Variants in FAM91A1 observed in about 807,000 individuals in gnomAD.
FAM91A1 encodes protein FAM91A1.
A neutral mutation model predicts 113.5 loss-of-function variants in FAM91A1; 41 were observed. That is an observed-to-expected ratio of 0.36 (90% CI 0.28 to 0.47). The LOEUF (loss-of-function observed/expected upper bound fraction) is 0.47. FAM91A1 is among the 20% of genes least tolerant of loss of function. FAM91A1 has a pLI of 1.00. For missense variants in FAM91A1, 696 were observed against 1,001.2 expected (o/e 0.70, Z 4.11); for synonymous variants, 307 against 347.9 (o/e 0.88, Z 1.31).
chr8:123,777,656 A>G (rs1815020162), intron 4 of FAM91A1, among the ~76,000 whole-genome samples: 1 of 152,246 alleles, frequency 6.6e-6, no homozygotes, highest in African/African-American at 2.4e-5. Flanking sequence ...GCAGGGTGAC[A>G]TACAGTTTTT....
intron 11 of FAM91A1, chr8:123,786,172 A>AT (rs1269851010): frequency 3.6e-6 from 1 of 276,374 alleles, no homozygotes; most frequent in Non-Finnish European, 6.9e-6. Context: ...TATATTAGTG[A>AT]TTTTTAATCT....
At position 123,774,061 on chromosome 8, in the gene FAM91A1, T is replaced by C; in HGVS notation, c.73-19T>C. ...TTCAGTTTGGAAGTTGTTTAAAATCTTTTTGAAATTTCTCCTAGAGTCTTG... is the reference window on the plus strand; with the variant it reads ...TTCAGTTTGGAAGTTGTTTAAAATCCTTTTGAAATTTCTCCTAGAGTCTTG... On this transcript the variant is annotated intron_variant, in intron 1 of 23. Coordinates refer to ENST00000334705, the MANE Select transcript of FAM91A1 (RefSeq NM_144963.4). 1 of 1,599,844 alleles carries C rather than the reference T, an allele frequency of 6.3e-7. No homozygotes were observed. The highest frequency in any genetic ancestry group is 8.5e-7 in the Non-Finnish European group (1 of 1,171,998).
Position 123,768,473 on chromosome 8 carries a change from A to C in FAM91A1, c.-230A>C, listed in dbSNP as rs1459554154. 1 of 454,124 alleles carries C rather than the reference A, an allele frequency of 2.2e-6. No individual in the cohort carries two copies. Among genetic ancestry groups the C allele is most frequent in the Non-Finnish European group, 3.9e-6 (1 of 258,468 alleles). The allele number at this position is 454,124 out of a possible 1,614,324, so 28.1% of individuals were successfully genotyped here. On this transcript the variant is annotated 5_prime_UTR_variant, in exon 1 of 24. Transcript: ENST00000334705. ...TCCGGCGGCCCGAAACTAGGAAGAA[A>C]CTTGGAGCTGTTCAGGCGATCCAGC...
At chr8:123,782,152 T>G (rs924007324) in intron 8 of FAM91A1, among the ~76,000 whole-genome samples, 2 of 152,200 alleles carry the variant, frequency 1.3e-5, no homozygotes, top group Non-Finnish European at 2.9e-5. Flanking sequence ...AAAAAAGCAG[T>G]CAGAGAAGGG....
At chr8:123,778,808 T>A (rs1815050300) in intron 6 of FAM91A1, 36 bp downstream of exon 6, 2 of 1,313,936 alleles carry the variant, frequency 1.5e-6, no homozygotes, top group Admixed American at 2.9e-5. Context: ...AGAATTTTTA[T>A]TTTTTAGTTT....
chr8:123,787,767 T>C lies in FAM91A1; in HGVS notation c.1278+17T>C. 6.3e-7 allele frequency: 1 copy of C among 1,585,914 alleles called. No homozygotes were observed. The highest frequency in any genetic ancestry group is 1.1e-5 in the South Asian group (1 of 88,268). On this transcript the variant is annotated intron_variant, in intron 14 of 23. Coordinates refer to ENST00000334705, the MANE Select transcript of FAM91A1 (RefSeq NM_144963.4). Reference sequence around the variant, plus strand: ...CTAGAAAAGGTAAATGTAGATTGCATGTAAGGGGATGTTAGGGCATTTGGA... The same window carrying C: ...CTAGAAAAGGTAAATGTAGATTGCACGTAAGGGGATGTTAGGGCATTTGGA...
intron 15 of FAM91A1, among the ~76,000 whole-genome samples, chr8:123,791,557 T>A (rs2130107575): frequency 6.6e-6 from 1 of 152,318 alleles, no homozygotes; most frequent in Middle Eastern, 3.4e-3. Flanking sequence ...TTGCTTAGAA[T>A]AATTGCTGGG....
Position 123,813,338 on chromosome 8 carries a change from C to T in FAM91A1, c.*634C>T, listed in dbSNP as rs1173957172. The T allele has an allele frequency of 1.3e-5, 2 of 152,568 alleles. No homozygotes were observed. Among genetic ancestry groups the T allele is most frequent in the African/African-American group, 4.8e-5 (2 of 41,432 alleles). The allele number at this position is 152,568 out of a possible 1,614,324, so 9.5% of individuals were successfully genotyped here. On this transcript the variant is annotated 3_prime_UTR_variant, in exon 24 of 24. Transcript: ENST00000334705. ...TAAGATTATGACTATTCATTGACAT[C>T]TCATGAGAAGCTTTAGAAGACTTTC...
At position 123,778,062 on chromosome 8, in the gene FAM91A1, T is replaced by C. The variant is rs1311483918; in HGVS notation, c.405T>C (p.Ile135=). The C allele has an allele frequency of 6.2e-7, 1 of 1,612,772 alleles. No individual in the cohort carries two copies. Among genetic ancestry groups the C allele is most frequent in the Admixed American group, 1.7e-5 (1 of 59,928 alleles). ...TTGGCATAGGAAGAAACCAGTATAT[T>C]GATCTTATGAATCAGTGTAGATCAT... ...RLLGIGRNQY[I]DLMNQCRSSK... Residue 135 remains isoleucine (I), a synonymous_variant, in exon 5 of 24, where the codon ATT becomes ATC. Coordinates refer to ENST00000334705, the MANE Select transcript of FAM91A1 (RefSeq NM_144963.4).
chr8:123,778,084 T>A lies in FAM91A1; in HGVS notation c.427T>A (p.Ser143Thr), dbSNP rs1417175875. The change falls in exon 5 of 24, where the codon TCA becomes ACA. Residue 143 changes from serine (S) to threonine (T), a missense_variant. Transcript: ENST00000334705. ...TATTGATCTTATGAATCAGTGTAGATCATCAAAAGTAAGTTAGTACTTTCT... is the reference window on the plus strand; with the variant it reads ...TATTGATCTTATGAATCAGTGTAGAACATCAAAAGTAAGTTAGTACTTTCT... ...QYIDLMNQCRSSKKFFRRKTA... is the reference protein window; with the variant it reads ...QYIDLMNQCRTSKKFFRRKTA... 1.9e-6 allele frequency: 3 copies of A among 1,611,476 alleles called. No individual in the cohort carries two copies. The African/African-American group carries it at 4.0e-5, about 22-fold the overall frequency.
rs897263955 is a variant in FAM91A1, at chr8:123,786,518, T to C, written c.986T>C (p.Met329Thr). ...AGGAGTACCTTAGATCCACAGAAGA[T>C]GCTCTTGTCATGGGATGGAGGGGAA... ...RLKSTLDPQK[M>T]LLSWDGGESR... The change falls in exon 12 of 24, where the codon ATG (methionine) becomes ACG (threonine). Residue 329 changes from methionine to threonine, a missense_variant. Coordinates refer to ENST00000334705, the MANE Select transcript of FAM91A1 (RefSeq NM_144963.4). 6 of 1,613,802 alleles carry C rather than the reference T, an allele frequency of 3.7e-6. No homozygotes were observed. Among genetic ancestry groups the C allele is most frequent in the Non-Finnish European group, 5.1e-6 (6 of 1,179,880 alleles).
At chr8:123,781,822 G>A (rs1240648452) in intron 8 of FAM91A1, among the ~76,000 whole-genome samples, 1 of 152,112 alleles carries the variant, frequency 6.6e-6, no homozygotes, top group Non-Finnish European at 1.5e-5. Flanking sequence ...ACCTTAAAAA[G>A]TACAGGAAAT....
chr8:123,810,828 A>G (rs949136915), intron 23 of FAM91A1: 1 of 164,846 alleles, frequency 6.1e-6, no homozygotes, highest in Non-Finnish European at 1.3e-5. Context: ...TATCTAATTC[A>G]ACGTTATGAA....
chr8:123,800,029 C>T, intron 18 of FAM91A1, 144 bp downstream of exon 18: 2 of 750,324 alleles, frequency 2.7e-6, no homozygotes, highest in East Asian at 2.9e-5. Flanking sequence ...GGATTTTAGT[C>T]CTGGCCGTTT....
chr8:123,794,907 G>C (rs1284020048), intron 15 of FAM91A1, among the ~76,000 whole-genome samples: 3 of 152,220 alleles, frequency 2.0e-5, no homozygotes, highest in Admixed American at 6.5e-5. Context: ...AAAGACGATT[G>C]TTAAATAAGA....
Position 123,779,981 on chromosome 8 carries a change from T to G in FAM91A1, c.550-4T>G, listed in dbSNP as rs1470335357. 6.2e-7 allele frequency: 1 copy of G among 1,609,762 alleles called. No individual in the cohort carries two copies. Among genetic ancestry groups the G allele is most frequent in the Non-Finnish European group, 8.5e-7 (1 of 1,178,314 alleles). On this transcript the variant is annotated splice_polypyrimidine_tract_variant and splice_region_variant and intron_variant, in intron 6 of 23. Coordinates refer to ENST00000334705, the MANE Select transcript of FAM91A1 (RefSeq NM_144963.4). ...CTTAATTAAAAATATTTTGCTTTTC[T>G]TAGATATGCACTTTGCCTGAGAAAT...
chr8:123,769,610 T>G (rs1382049555), intron 1 of FAM91A1, among the ~76,000 whole-genome samples: 1 of 152,234 alleles, frequency 6.6e-6, no homozygotes, highest in Non-Finnish European at 1.5e-5. Context: ...TAATAGATAT[T>G]TATTGACCAC....
intron 15 of FAM91A1, 120 bp downstream of exon 15, chr8:123,789,865 G>T: frequency 8.4e-7 from 1 of 1,189,092 alleles, no homozygotes; most frequent in South Asian, 1.7e-5. Flanking sequence ...ATAGCATATT[G>T]AATTTATAAC....
At chr8:123,780,127 C>A in intron 7 of FAM91A1, 52 bp downstream of exon 7, 1 of 1,478,104 alleles carries the variant, frequency 6.8e-7, no homozygotes. Context: ...TTGTTTTAAA[C>A]CATCAATAAT....
Sources: allele counts gnomAD v4.1 joint callset (sites outside exome capture counted in the v4.1 genomes callset), GRCh38; gene constraint gnomAD v4.1.1; transcripts MANE v1.5; gene names NCBI Gene and HGNC (gene_info 2026-07-23, HGNC 2026-07-21).